The following SHANK2 variants were observed in gnomAD, a reference collection of about 807,000 sequenced individuals.
The protein encoded by SHANK2 is SH3 and multiple ankyrin repeat domains 2, also known as SH3 and multiple ankyrin repeat domains protein 2.
A neutral mutation model predicts 133.7 loss-of-function variants in SHANK2; 43 were observed. The ratio of observed to expected loss-of-function variants is 0.32; its 90% CI spans 0.25 to 0.41. The LOEUF is 0.41. Among genes scored for constraint, SHANK2 ranks in the 10% least tolerant of loss-of-function variants. SHANK2 has a pLI of 1.00. For synonymous variants in SHANK2, 1,017 were observed against 952.8 expected, an observed-to-expected ratio of 1.07 and a Z score of -1.24; for missense variants, 1,994 against 2,235.8, an observed-to-expected ratio of 0.89 and a Z score of 2.18.
At chr11:70,641,247 C>G (rs1179789710) in intron 17 of SHANK2, among the ~76,000 whole-genome samples, 2 of 152,030 alleles carry the variant, frequency 1.3e-5, no homozygotes, top group Non-Finnish European at 2.9e-5. Context: ...AGGCGCATGC[C>G]ACCACGCCTG....
chr11:70,639,803 C>G (rs868994789), intron 17 of SHANK2, among the ~76,000 whole-genome samples: 24 of 151,978 alleles, frequency 1.6e-4, no homozygotes, highest in Non-Finnish European at 2.9e-5. Context: ...CCTGAGCGGA[C>G]CCCCCTTGAG....
intron 17 of SHANK2, among the ~76,000 whole-genome samples, chr11:70,589,773 T>G (rs1370112661): frequency 6.6e-6 from 1 of 152,048 alleles, no homozygotes; most frequent in Non-Finnish European, 1.5e-5. Flanking sequence ...TGAGAAGAAG[T>G]TGATCCCATC....
intron 17 of SHANK2, among the ~76,000 whole-genome samples, chr11:70,562,489 A>G (rs1439154852): frequency 6.6e-6 from 1 of 152,190 alleles, no homozygotes; most frequent in Non-Finnish European, 1.5e-5. Flanking sequence ...ATGTCCTTCC[A>G]TAGAACTGAC....
rs140480177 is a variant in SHANK2, at chr11:70,921,018, T to C, written c.1108-24451A>G. ...CTTCCCTGAAAAATGGCTGATTCCA[T>C]GTCTGAGACAAGAAATCTGAAATGT... On this transcript the variant is annotated intron_variant, in intron 10 of 25. Transcript: ENST00000601538. 6.2e-3 allele frequency among the ~76,000 whole-genome samples: 939 copies of C among 152,290 alleles called. 4 individuals carry two copies. Among genetic ancestry groups the C allele is most frequent in the South Asian group, 0.025 (119 of 4,818 alleles).
chr11:71,076,112 C>G (rs1446139849), intron 8 of SHANK2, among the ~76,000 whole-genome samples: 3 of 152,218 alleles, frequency 2.0e-5, no homozygotes, highest in Non-Finnish European at 2.9e-5. Flanking sequence ...CCTCCCCACC[C>G]AAGCTCACAG....
At chr11:70,849,078 C>T (rs1375319001) in intron 11 of SHANK2, among the ~76,000 whole-genome samples, 1 of 152,112 alleles carries the variant, frequency 6.6e-6, no homozygotes, top group Non-Finnish European at 1.5e-5. Context: ...GCCTGGACCT[C>T]ACACTCCGGA....
At chr11:70,762,883 C>G (rs1305752292) in intron 14 of SHANK2, among the ~76,000 whole-genome samples, 2 of 152,194 alleles carry the variant, frequency 1.3e-5, no homozygotes, top group Non-Finnish European at 2.9e-5. Context: ...TAGAGAAGCT[C>G]AGAATGGAGG....
intron 17 of SHANK2, among the ~76,000 whole-genome samples, chr11:70,629,276 C>T (rs1245587416): frequency 6.6e-6 from 1 of 152,194 alleles, no homozygotes; most frequent in African/African-American, 2.4e-5. Flanking sequence ...ACCACCCAGG[C>T]TGCTGCCGAA....
intron 17 of SHANK2, among the ~76,000 whole-genome samples, chr11:70,533,302 C>T (rs1291729795): frequency 6.6e-6 from 1 of 152,138 alleles, no homozygotes; most frequent in Non-Finnish European, 1.5e-5. Context: ...GTTGTCTAGG[C>T]TGGTCTCAAA....
At chr11:70,664,873 C>T (rs144973746) in intron 15 of SHANK2, among the ~76,000 whole-genome samples, 14 of 152,316 alleles carry the variant, frequency 9.2e-5, no homozygotes, top group African/African-American at 3.4e-4. Context: ...AGGTCACTGA[C>T]CTATCAGGCC....
chr11:70,920,563 C>A (rs782563903), intron 10 of SHANK2, among the ~76,000 whole-genome samples: 6 of 152,144 alleles, frequency 3.9e-5, no homozygotes, highest in Non-Finnish European at 8.8e-5. Flanking sequence ...CATTAAAAAT[C>A]AAAAATAAAA....
chr11:71,097,613 C>G (rs1951640959), intron 6 of SHANK2, among the ~76,000 whole-genome samples: 1 of 152,154 alleles, frequency 6.6e-6, no homozygotes, highest in African/African-American at 2.4e-5. Context: ...TAGAGGCTGC[C>G]CAGCAGACTG....
At chr11:70,586,759 C>T (rs1262516763) in intron 17 of SHANK2, among the ~76,000 whole-genome samples, 3 of 152,166 alleles carry the variant, frequency 2.0e-5, no homozygotes, top group African/African-American at 4.8e-5. Flanking sequence ...GCAGCTGGAG[C>T]CGGGAGTGGG....
chr11:70,784,716 G>T (rs1463473038), intron 14 of SHANK2, among the ~76,000 whole-genome samples: 1 of 152,156 alleles, frequency 6.6e-6, no homozygotes, highest in Non-Finnish European at 1.5e-5. Flanking sequence ...GCCTCCCTGG[G>T]AGCCTGTGGC....
chr11:70,816,739 A>T (rs1948406276), intron 12 of SHANK2, among the ~76,000 whole-genome samples: 1 of 152,236 alleles, frequency 6.6e-6, no homozygotes, highest in Non-Finnish European at 1.5e-5. Flanking sequence ...TCCACCATCC[A>T]GCATCACCAG....
intron 17 of SHANK2, among the ~76,000 whole-genome samples, chr11:70,646,941 A>C (rs2061272107): frequency 6.6e-6 from 1 of 151,734 alleles, no homozygotes; most frequent in African/African-American, 2.4e-5. Flanking sequence ...GCTCACTGCA[A>C]CCTCTGCTTC....
intron 14 of SHANK2, among the ~76,000 whole-genome samples, chr11:70,771,290 G>C (rs909777389): frequency 3.3e-5 from 5 of 152,244 alleles, no homozygotes; most frequent in South Asian, 2.1e-4. Flanking sequence ...AAGGAGTGAC[G>C]GGCTCTTTCA....
In SHANK2 at chr11:70,882,421, G is replaced by A. The variant is rs1949673264; in HGVS notation, c.1174+14080C>T. 6.6e-6 allele frequency among the ~76,000 whole-genome samples: 1 copy of A among 152,204 alleles called. No individual in the cohort carries two copies. The highest frequency in any genetic ancestry group is 1.5e-5 in the Non-Finnish European group (1 of 68,034). ...CAAGGGATTTAATACATATCTCAGA[G>A]TGATGGGGAAATTGATTTTCCTTGA... On this transcript the variant is annotated intron_variant, in intron 11 of 25. Transcript: ENST00000601538. This position sits in a 1 kb window ranked among gnomAD's most constrained non-coding sequence, Gnocchi z 4.2.
At chr11:70,510,243 G>A (rs914730091) in intron 17 of SHANK2, among the ~76,000 whole-genome samples, 3 of 152,214 alleles carry the variant, frequency 2.0e-5, no homozygotes, top group Non-Finnish European at 2.9e-5. Flanking sequence ...GCTGCTGTTA[G>A]CAAACCTGGG....
Sources: allele counts gnomAD v4.1 joint callset (sites outside exome capture counted in the v4.1 genomes callset), GRCh38; gene constraint gnomAD v4.1.1; non-coding constraint Gnocchi (gnomAD v3.1); transcripts MANE v1.5; gene names NCBI Gene and HGNC (gene_info 2026-07-23, HGNC 2026-07-21).